MAP3K4: variants seen among roughly 807,000 people sequenced by gnomAD.
MAP3K4 encodes the protein mitogen-activated protein kinase kinase kinase 4, also known as MAP three kinase 1.
In MAP3K4, 67 loss-of-function variants were observed where a neutral mutation model predicts 185.6. The ratio of observed to expected loss-of-function variants is 0.36; its 90% CI spans 0.30 to 0.44. The LOEUF (loss-of-function observed/expected upper bound fraction) is 0.44. MAP3K4 is among the 20% of genes least tolerant of loss of function. The pLI is 1.00. For missense variants in MAP3K4, 1,551 were observed against 1,995.1 expected, an observed-to-expected ratio of 0.78 and a Z score of 4.24; for synonymous variants, 702 against 710.4, an observed-to-expected ratio of 0.99 and a Z score of 0.19.
chr6:161,106,517 C>A lies in MAP3K4; in HGVS notation c.3860C>A (p.Thr1287Asn). ...GAGGTTTTGGTTCTCTCTGCAGATA[C>A]TGCTTCTAAACTAGGACCCATAGAA... ...LRTLISQSKD[T>N]ASKLGPIEAI... Residue 1287 changes from threonine to asparagine, a missense_variant, in exon 20 of 27, where the codon ACT becomes AAT. By Grantham distance (65) the Thr-to-Asn change is moderately conservative. This residue lies in a region of MAP3K4 where 272 missense variants were observed against 301.2 expected (regional missense o/e 0.90). Transcript: ENST00000392142. The surrounding 1 kb of genome is among the most constrained non-coding windows in gnomAD (Gnocchi z 4.9). 6.2e-7 allele frequency: 1 copy of A among 1,605,046 alleles called. No individual in the cohort carries two copies. The highest frequency in any genetic ancestry group is 8.5e-7 in the Non-Finnish European group (1 of 1,176,154).
Position 160,991,874 on chromosome 6 carries a change from G to GC in MAP3K4, c.-54dup. 1 of 1,439,704 alleles carries GC rather than the reference G, an allele frequency of 6.9e-7. No individual in the cohort carries two copies. Among genetic ancestry groups the GC allele is most frequent in the South Asian group, 1.4e-5 (1 of 69,368 alleles). The allele number at this position is 1,439,704 out of a possible 1,614,324, so 89.2% of individuals were successfully genotyped here. A position where few individuals can be genotyped will look rare whatever the true frequency, so the allele number is the denominator to read the frequency against. ...CACTCCCGCACTTCGGGGCTCCGGT[G>GC]CCCCGCGCCAGGCTGCAGCTTACTG... On this transcript the variant is annotated 5_prime_UTR_variant, in exon 1 of 27. Coordinates refer to ENST00000392142, the MANE Select transcript of MAP3K4 (RefSeq NM_005922.4). The surrounding 1 kb of genome is among the most constrained non-coding windows in gnomAD (Gnocchi z 5.7).
chr6:161,003,202 C>A (rs369304113), intron 1 of MAP3K4, among the ~76,000 whole-genome samples: 1 of 152,028 alleles, frequency 6.6e-6, no homozygotes, highest in African/African-American at 2.4e-5. Flanking sequence ...ATGTTTCTTT[C>A]TAGAAAGGTA....
chr6:161,093,632 C>T lies in MAP3K4; in HGVS notation c.3349-141C>T, dbSNP rs1407490159. On this transcript the variant is annotated intron_variant, in intron 14 of 26. Coordinates refer to ENST00000392142, the MANE Select transcript of MAP3K4 (RefSeq NM_005922.4). This position sits in a 1 kb window ranked among gnomAD's most constrained non-coding sequence, Gnocchi z 5.2. The stretch of plus-strand genomic sequence containing the variant: ...AAATTACATACAATTTGTGTTTATA[C>T]CTATTTTCTTTTAAACTAACTGAAA... 1.7e-6 allele frequency: 1 copy of T among 579,982 alleles called. No homozygotes were observed. Among genetic ancestry groups the T allele is most frequent in the Non-Finnish European group, 3.1e-6 (1 of 326,020 alleles). 35.9% of individuals were successfully genotyped at this position (579,982 alleles called of 1,614,324 possible). A position where few individuals can be genotyped will look rare whatever the true frequency, so the allele number is the denominator to read the frequency against.
At chr6:161,016,764 G>A (rs1782135426) in intron 1 of MAP3K4, among the ~76,000 whole-genome samples, 1 of 152,162 alleles carries the variant, frequency 6.6e-6, no homozygotes, top group Non-Finnish European at 1.5e-5. Context: ...AATTGGGAAG[G>A]TGAGTCCTCC....
Position 161,049,669 on chromosome 6 carries a change from T to A in MAP3K4, c.1397T>A (p.Ile466Asn). Residue 466 changes from isoleucine to asparagine, a missense_variant, in exon 3 of 27, where the codon ATC (isoleucine) becomes AAC (asparagine). Around this residue, in one of 16 missense-constraint regions of MAP3K4, gnomAD observed 126 missense variants for 112.8 expected, o/e 1.12. Coordinates refer to ENST00000392142, the MANE Select transcript of MAP3K4 (RefSeq NM_005922.4). This position sits in a 1 kb window ranked among gnomAD's most constrained non-coding sequence, Gnocchi z 8.4. ...ACGGATGAGAGTGAAGAAGAACAAATCTCTGATCCTAGGGTACCGGAAATC... is the reference window on the plus strand; with the variant it reads ...ACGGATGAGAGTGAAGAAGAACAAAACTCTGATCCTAGGGTACCGGAAATC... ...SSTDESEEEQ[I>N]SDPRVPEIRQ... is the part of the protein sequence containing the mutation. The A allele has an allele frequency of 6.2e-7, 1 of 1,614,042 alleles. No individual in the cohort carries two copies.
At chr6:161,041,955 G>A (rs544929044) in intron 2 of MAP3K4, among the ~76,000 whole-genome samples, 4 of 119,830 alleles carry the variant, frequency 3.3e-5, no homozygotes, top group Non-Finnish European at 6.4e-5. Flanking sequence ...ATGGGGTCTC[G>A]CTATGTTGCC....
At chr6:161,045,925 C>T (rs992489540) in intron 2 of MAP3K4, among the ~76,000 whole-genome samples, 2 of 152,056 alleles carry the variant, frequency 1.3e-5, no homozygotes, top group Admixed American at 6.6e-5. Flanking sequence ...TCTTCATTGC[C>T]TTTCTTCTGC....
chr6:161,069,614 A>G (rs555506689), intron 3 of MAP3K4, among the ~76,000 whole-genome samples: 37 of 152,292 alleles, frequency 2.4e-4, no homozygotes, highest in African/African-American at 8.9e-4. Flanking sequence ...AGATGAGAGT[A>G]TCATTCATGA....
chr6:161,066,367 TC>T (rs1401941929), intron 3 of MAP3K4, among the ~76,000 whole-genome samples: 1 of 152,064 alleles, frequency 6.6e-6, no homozygotes, highest in Non-Finnish European at 1.5e-5. Flanking sequence ...AGATCTGACT[TC>T]CATGTCTCTT....
chr6:161,009,549 A>G (rs1372342035), intron 1 of MAP3K4, among the ~76,000 whole-genome samples: 1 of 152,150 alleles, frequency 6.6e-6, no homozygotes, highest in African/African-American at 2.4e-5. Context: ...AGGTTCATCC[A>G]TGTTACGGGG....
chr6:161,108,856 T>C lies in MAP3K4; in HGVS notation c.4233T>C (p.His1411=). The change falls in exon 22 of 27, where the codon CAT becomes CAC. Residue 1411 remains histidine, a synonymous_variant. Transcript: ENST00000392142. The surrounding 1 kb of genome is among the most constrained non-coding windows in gnomAD (Gnocchi z 5.7). Reference sequence around the variant, plus strand: ...TTCGGTATTTTGGTGTGGAGCTCCATAGAGTAAGCCGACCCTAATGCCACT... The same window carrying C: ...TTCGGTATTTTGGTGTGGAGCTCCACAGAGTAAGCCGACCCTAATGCCACT... ...NLVRYFGVEL[H]REEMYIFMEY... is the part of the protein sequence containing the mutation. 6.2e-7 allele frequency: 1 copy of C among 1,611,648 alleles called. No homozygotes were observed. Among genetic ancestry groups the C allele is most frequent in the Non-Finnish European group, 8.5e-7 (1 of 1,177,744 alleles).
chr6:160,992,607 A>T (rs577733103), intron 1 of MAP3K4, among the ~76,000 whole-genome samples: 1 of 152,124 alleles, frequency 6.6e-6, no homozygotes, highest in Non-Finnish European at 1.5e-5. Context: ...CACTTAGACT[A>T]TGCAGACAGA....
chr6:161,013,436 A>G (rs775982006), intron 1 of MAP3K4, among the ~76,000 whole-genome samples: 13 of 152,240 alleles, frequency 8.5e-5, no homozygotes, highest in African/African-American at 2.4e-5. Flanking sequence ...GCATTCTTAT[A>G]GTTAAATCTT....
intron 19 of MAP3K4, among the ~76,000 whole-genome samples, chr6:161,105,906 AC>A (rs1260589511): frequency 6.1e-5 from 9 of 148,188 alleles, no homozygotes; most frequent in Admixed American, 4.7e-4. Flanking sequence ...TGCAATCTTG[AC>A]TCACTGCAAC....
rs1778406951 is a variant in MAP3K4 at position 161,112,662 on chromosome 6, T to C, written c.4520-6T>C. 2.6e-6 allele frequency: 4 copies of C among 1,557,422 alleles called. No individual in the cohort carries two copies. The highest frequency in any genetic ancestry group is 3.5e-6 in the Non-Finnish European group (4 of 1,155,660). On this transcript the variant is annotated splice_polypyrimidine_tract_variant and splice_region_variant and intron_variant, in intron 24 of 26. Transcript: ENST00000392142. This position sits in a 1 kb window ranked among gnomAD's most constrained non-coding sequence, Gnocchi z 5.1. ...ATTACTCTCAACATATCTGTGACTTTTAAAGCATACATGGCACCTGAAGTC... is the reference window on the plus strand; with the variant it reads ...ATTACTCTCAACATATCTGTGACTTCTAAAGCATACATGGCACCTGAAGTC...
At position 161,049,803 on chromosome 6, in the gene MAP3K4, T is replaced by C. The variant is rs746557995; in HGVS notation, c.1531T>C (p.Trp511Arg). ...TTCTCTTGGCTGGGGAGCACCAGAC[T>C]GGAGCACAGAAGCAGGCTTTAGTAG... The part of the protein sequence containing the change: ...DDSLGWGAPD[W>R]STEAGFSRHC... Residue 511 changes from tryptophan to arginine, a missense_variant, in exon 3 of 27, where the codon TGG becomes CGG. Coordinates refer to ENST00000392142, the MANE Select transcript of MAP3K4 (RefSeq NM_005922.4). The surrounding 1 kb of genome is among the most constrained non-coding windows in gnomAD (Gnocchi z 8.4). The C allele has an allele frequency of 6.2e-7, 1 of 1,614,120 alleles. No homozygotes were observed. The highest frequency in any genetic ancestry group is 2.2e-5 in the East Asian group (1 of 44,876).
chr6:161,092,271 A>G lies in MAP3K4; in HGVS notation c.3269+128A>G, dbSNP rs1161158771. The G allele has an allele frequency of 9.6e-6, 10 of 1,041,644 alleles. No individual in the cohort carries two copies. In the Middle Eastern group the frequency reaches 6.9e-4, roughly 71 times the overall value. 64.5% of individuals were successfully genotyped at this position (1,041,644 alleles called of 1,614,324 possible). The stretch of plus-strand genomic sequence containing the variant: ...GAACACTCTAAACTCTTCGGTGATC[A>G]GGTTTTTTTTAATGGAAAAATATGT... On this transcript the variant is annotated intron_variant, in intron 13 of 26. Coordinates refer to ENST00000392142, the MANE Select transcript of MAP3K4 (RefSeq NM_005922.4).
At position 161,080,335 on chromosome 6, in the gene MAP3K4, G is replaced by A. The variant is rs775629263; in HGVS notation, c.2098-546G>A. On this transcript the variant is annotated intron_variant, in intron 5 of 26. Coordinates refer to ENST00000392142, the MANE Select transcript of MAP3K4 (RefSeq NM_005922.4). This position sits in a 1 kb window ranked among gnomAD's most constrained non-coding sequence, Gnocchi z 4.8. ...AAGCTGTTGTAATAGGACTTGTGGT[G>A]GGCATAAATCCCACTTCAGAACAAC... is the stretch of plus-strand genomic sequence containing the variant. 4.9e-4 allele frequency among the ~76,000 whole-genome samples: 75 copies of A among 152,120 alleles called. No individual in the cohort carries two copies. The highest frequency in any genetic ancestry group is 8.5e-4 in the Non-Finnish European group (58 of 68,026).
chr6:161,026,431 G>A (rs551337209), intron 1 of MAP3K4, among the ~76,000 whole-genome samples: 7 of 151,944 alleles, frequency 4.6e-5, no homozygotes, highest in South Asian at 2.1e-4. Context: ...CACCGTGCCC[G>A]GTCAGAAGGA....
Sources: allele counts gnomAD v4.1 joint callset (sites outside exome capture counted in the v4.1 genomes callset), GRCh38; gene constraint gnomAD v4.1.1; regional missense constraint gnomAD v4.1.1; non-coding constraint Gnocchi (gnomAD v3.1); transcripts MANE v1.5; gene names NCBI Gene and HGNC (gene_info 2026-07-23, HGNC 2026-07-21).